NDUFAF2: variants seen among roughly 807,000 people sequenced by gnomAD.
NDUFAF2 encodes NADH dehydrogenase [ubiquinone] 1 alpha subcomplex assembly factor 2.
In NDUFAF2, 13 loss-of-function variants were observed where a neutral mutation model predicts 22.8. That is an observed-to-expected ratio of 0.57 (90% confidence interval 0.37 to 0.91). The LOEUF (loss-of-function observed/expected upper bound fraction) is 0.91. Among genes scored for constraint, NDUFAF2 ranks in the 40% least tolerant of loss-of-function variants. The probability of loss-of-function intolerance (pLI) is 0.01; values close to 1 mark genes in which losing one functional copy is unlikely to be tolerated. For synonymous variants in NDUFAF2, 53 were observed against 64.2 expected (o/e 0.83, Z 0.84); for missense variants, 162 against 195.2 (o/e 0.83, Z 1.01).
At chr5:61,098,932 G>T in intron 2 of NDUFAF2, 60 bp from the exon 3 acceptor site, 3 of 1,446,736 alleles carry the variant, frequency 2.1e-6, no homozygotes, top group East Asian at 2.3e-5. Context: ...TTGTTTTATG[G>T]ATAAAAATGT....
intron 1 of NDUFAF2, among the ~76,000 whole-genome samples, chr5:61,038,558 G>C (rs568370148): frequency 2.5e-4 from 38 of 152,182 alleles, no homozygotes; most frequent in African/African-American, 9.1e-4. Context: ...TTTATTTGAG[G>C]TATTATTAGG....
intron 1 of NDUFAF2, among the ~76,000 whole-genome samples, chr5:60,985,695 T>C (rs1159791940): frequency 2.6e-5 from 4 of 152,206 alleles, no homozygotes; most frequent in South Asian, 2.1e-4. Flanking sequence ...TTCCATGTAG[T>C]TGAGTGGTTT....
chr5:60,946,060 G>A (rs1254553806), intron 1 of NDUFAF2, among the ~76,000 whole-genome samples: 1 of 152,176 alleles, frequency 6.6e-6, no homozygotes, highest in East Asian at 1.9e-4. Flanking sequence ...TAATCATGGT[G>A]TTACTGTGTA....
intron 3 of NDUFAF2, among the ~76,000 whole-genome samples, chr5:61,129,908 C>G (rs1439759989): frequency 6.6e-6 from 1 of 152,004 alleles, no homozygotes; most frequent in Non-Finnish European, 1.5e-5. Flanking sequence ...AAAAGACTTT[C>G]TAATTCTAAT....
chr5:60,962,548 T>G (rs1750702882), intron 1 of NDUFAF2, among the ~76,000 whole-genome samples: 1 of 152,094 alleles, frequency 6.6e-6, no homozygotes, highest in South Asian at 2.1e-4. Flanking sequence ...TCATAAACAT[T>G]AGAAAATTGC....
intron 1 of NDUFAF2, among the ~76,000 whole-genome samples, chr5:61,024,885 T>C (rs1751630127): frequency 6.6e-6 from 1 of 152,128 alleles, no homozygotes; most frequent in Non-Finnish European, 1.5e-5. Flanking sequence ...CTGTTTCCAA[T>C]TGCTAACAGT....
intron 1 of NDUFAF2, among the ~76,000 whole-genome samples, chr5:61,042,346 A>T (rs892607820): frequency 2.6e-5 from 4 of 152,176 alleles, no homozygotes; most frequent in African/African-American, 9.6e-5. Flanking sequence ...AAAATCTTCA[A>T]CTATATTATT....
At chr5:61,003,814 T>C (rs910318653) in intron 1 of NDUFAF2, among the ~76,000 whole-genome samples, 9 of 151,768 alleles carry the variant, frequency 5.9e-5, no homozygotes, top group Admixed American at 4.6e-4. Flanking sequence ...TGTGCCACCA[T>C]GCCTGGCTAT....
At chr5:61,082,428 T>G (rs1376950524) in intron 2 of NDUFAF2, among the ~76,000 whole-genome samples, 1 of 152,150 alleles carries the variant, frequency 6.6e-6, no homozygotes, top group African/African-American at 2.4e-5. Context: ...TCTTTCTTTT[T>G]TAAATTTTAG....
rs778263229 is a variant in NDUFAF2, at chr5:60,945,340, G to A, written c.85G>A (p.Gly29Arg). The change falls in exon 1 of 4, where the codon GGG becomes AGG. Residue 29 changes from glycine (G) to arginine (R), a missense_variant. Physicochemically the swap from Gly to Arg is moderately radical, Grantham distance 125. Transcript: ENST00000296597. ...VKEHVGTDQFGNKYYYIPQYK... is the reference protein window; with the variant it reads ...VKEHVGTDQFRNKYYYIPQYK... ...GGAGCACGTGGGCACGGACCAATTC[G>A]GGAACAAATACTACTACATCCCGCA... is the stretch of plus-strand genomic sequence containing the variant. The A allele has an allele frequency of 1.2e-6, 2 of 1,614,016 alleles. No homozygotes were observed. Among genetic ancestry groups the A allele is most frequent in the Non-Finnish European group, 8.5e-7 (1 of 1,180,024 alleles).
intron 3 of NDUFAF2, among the ~76,000 whole-genome samples, chr5:61,101,031 A>G (rs1260040040): frequency 6.6e-6 from 1 of 152,140 alleles, no homozygotes; most frequent in Admixed American, 6.6e-5. Context: ...CAACCACTTC[A>G]TTAGGCACAC....
chr5:60,986,947 A>AG (rs1561535242), intron 1 of NDUFAF2, among the ~76,000 whole-genome samples: 3 of 151,382 alleles, frequency 2.0e-5, no homozygotes, highest in African/African-American at 7.3e-5. Context: ...CAAAAAAAAA[A>AG]AAAAAAAAGA....
chr5:61,146,196 A>G (rs781095320), intron 3 of NDUFAF2: 6 of 152,208 alleles, frequency 3.9e-5, no homozygotes, highest in South Asian at 2.1e-4. Context: ...GCTTGGCAGT[A>G]TAGTCATCAC....
Position 61,040,299 on chromosome 5 carries a change from CGCGA to C in NDUFAF2, c.128-32825_128-32822del, listed in dbSNP as rs1268089545. Among the ~76,000 whole-genome samples the C allele has an allele frequency of 7.2e-3, 1,082 of 149,780 alleles. 6 individuals are homozygous for C. Among genetic ancestry groups the C allele is most frequent in the African/African-American group, 0.016 (660 of 40,294 alleles). ...ACACACACACACACGCGCGCGCGCGCGCGAAAGTTGAAAGCAGAGATTGGAGTAA... is the reference window on the plus strand; with the variant it reads ...ACACACACACACACGCGCGCGCGCGCAAGTTGAAAGCAGAGATTGGAGTAA... On this transcript the variant is annotated intron_variant, in intron 1 of 3. Transcript: ENST00000296597.
chr5:61,120,606 G>A (rs145292319), intron 3 of NDUFAF2, among the ~76,000 whole-genome samples: 36 of 152,202 alleles, frequency 2.4e-4, no homozygotes, highest in Middle Eastern at 3.4e-3. Context: ...AAAATAAGTT[G>A]AATATAAATA....
At chr5:61,046,982 C>T (rs1460294239) in intron 1 of NDUFAF2, among the ~76,000 whole-genome samples, 1 of 152,132 alleles carries the variant, frequency 6.6e-6, no homozygotes, top group Non-Finnish European at 1.5e-5. Context: ...ATCCTAAAAT[C>T]ACTACAGCTT....
intron 3 of NDUFAF2, among the ~76,000 whole-genome samples, chr5:61,150,178 C>T (rs1482826961): frequency 1.3e-5 from 2 of 152,118 alleles, no homozygotes; most frequent in African/African-American, 2.4e-5. Context: ...GTGATCTGCC[C>T]GCCTCGGCCT....
At chr5:61,075,924 A>G (rs909528450) in intron 2 of NDUFAF2, among the ~76,000 whole-genome samples, 4 of 152,194 alleles carry the variant, frequency 2.6e-5, no homozygotes, top group African/African-American at 7.2e-5. Flanking sequence ...GTAGGTATCT[A>G]TTAAGGACCT....
rs576855642 is a variant in NDUFAF2 at position 61,081,193 on chromosome 5, G to A, written c.217+7979G>A. On this transcript the variant is annotated intron_variant, in intron 2 of 3. Coordinates refer to ENST00000296597, the MANE Select transcript of NDUFAF2 (RefSeq NM_174889.5). Reference sequence around the variant, plus strand: ...CATCCATGGAGTTATTTATCTTTTTGCTAGTGCTGATTGTCTTGATTACTG... The same window carrying A: ...CATCCATGGAGTTATTTATCTTTTTACTAGTGCTGATTGTCTTGATTACTG... Among the ~76,000 whole-genome samples the A allele has an allele frequency of 6.6e-5, 10 of 151,908 alleles. No homozygotes were observed. In the South Asian group the frequency reaches 1.9e-3, roughly 28 times the overall value.
Sources: gnomAD v4.1 joint callset for allele counts (sites outside exome capture counted in the v4.1 genomes callset) on GRCh38, gnomAD v4.1.1 for gene constraint, MANE v1.5 for transcripts, NCBI Gene and HGNC (gene_info 2026-07-23, HGNC 2026-07-21) for gene names.